Variants in TIFA observed in about 807,000 individuals in gnomAD.
The protein encoded by TIFA is TRAF-interacting protein with FHA domain-containing protein A.
For missense variants in TIFA, 186 were observed against 215.2 expected (o/e 0.86, Z 0.85); for synonymous variants, 75 against 79.2 (o/e 0.95, Z 0.28).
intron 1 of TIFA, chr4:112,281,825 T>C (rs1727233548): frequency 6.6e-6 from 1 of 152,170 alleles, no homozygotes; most frequent in Non-Finnish European, 1.5e-5. Flanking sequence ...CAGTTAATAT[T>C]AGCAAAAAAA....
intron 1 of TIFA, among the ~76,000 whole-genome samples, chr4:112,284,927 C>T (rs559750121): frequency 6.6e-6 from 1 of 150,494 alleles, no homozygotes; most frequent in Admixed American, 6.6e-5. Flanking sequence ...AACCAAACAG[C>T]AGGAGGAAAC....
chr4:112,282,365 T>G (rs936752486), intron 1 of TIFA, among the ~76,000 whole-genome samples: 1 of 152,224 alleles, frequency 6.6e-6, no homozygotes, highest in African/African-American at 2.4e-5. Context: ...ATTTCATGCC[T>G]TTCATGTGCC....
At chr4:112,285,505 A>C (rs1400327793) in intron 1 of TIFA, 135 bp downstream of exon 1, 5 of 152,114 alleles carry the variant, frequency 3.3e-5, no homozygotes, top group African/African-American at 1.2e-4. Context: ...AGCGTGTGCC[A>C]GGTGAGCAGG....
intron 1 of TIFA, among the ~76,000 whole-genome samples, chr4:112,282,141 GT>G (rs1452549255): frequency 6.6e-6 from 1 of 152,196 alleles, no homozygotes; most frequent in Non-Finnish European, 1.5e-5. Context: ...ATAAGGGGGA[GT>G]TTCCATGCAC....
chr4:112,275,030 G>A lies in TIFA; in HGVS notation c.*2832C>T, dbSNP rs1285859879. 6.6e-6 allele frequency: 1 copy of A among 152,118 alleles called. No homozygotes were observed. Among genetic ancestry groups the A allele is most frequent in the African/African-American group, 2.4e-5 (1 of 41,424 alleles). The allele number at this position is 152,118 out of a possible 1,614,324, so 9.4% of individuals were successfully genotyped here. ...AGAAGTCCTTAAAGTGTATATGGAA[G>A]GTTTCACATCTTAGCTTCAGTACCT... On this transcript the variant is annotated 3_prime_UTR_variant, in exon 2 of 2. Coordinates refer to ENST00000361717, the MANE Select transcript of TIFA (RefSeq NM_052864.3).
intron 1 of TIFA, among the ~76,000 whole-genome samples, chr4:112,278,946 T>C (rs1263164628): frequency 1.3e-5 from 2 of 152,244 alleles, no homozygotes; most frequent in Admixed American, 6.5e-5. Context: ...AAAAACTTAA[T>C]AGTTATAAAC....
chr4:112,282,789 G>A (rs1381322909), intron 1 of TIFA, among the ~76,000 whole-genome samples: 2 of 152,260 alleles, frequency 1.3e-5, no homozygotes, highest in East Asian at 1.9e-4. Context: ...CCAGGGAAGC[G>A]GGGGACCCCC....
intron 1 of TIFA, among the ~76,000 whole-genome samples, chr4:112,278,848 C>T (rs115416647): frequency 0.01 from 1,554 of 152,054 alleles, 22 homozygotes; most frequent in African/African-American, 0.034. Flanking sequence ...GTTTGAATAC[C>T]TTCAGAGGAT....
At position 112,277,926 on chromosome 4, in the gene TIFA, C is replaced by T. The variant is rs1258154430; in HGVS notation, c.491G>A (p.Gly164Asp). Residue 164 changes from glycine to aspartate, a missense_variant, in exon 2 of 2, where the codon GGC (glycine) becomes GAC (aspartate). Coordinates refer to ENST00000361717, the MANE Select transcript of TIFA (RefSeq NM_052864.3). ...WPPHRPIPEY[G>D]TYSLCSSQSS... ...TTGGGAGGAGCAGAGCGAATAAGTG[C>T]CATACTCCGGTATGGGCCTGTGTGG... 1 of 1,613,586 alleles carries T rather than the reference C, an allele frequency of 6.2e-7. No individual in the cohort carries two copies. Among genetic ancestry groups the T allele is most frequent in the South Asian group, 1.1e-5 (1 of 91,014 alleles).
intron 1 of TIFA, among the ~76,000 whole-genome samples, chr4:112,279,007 T>C (rs1727175379): frequency 6.6e-6 from 1 of 152,244 alleles, no homozygotes; most frequent in Non-Finnish European, 1.5e-5. Flanking sequence ...TTCTAACAGG[T>C]AAATGATTAA....
intron 1 of TIFA, among the ~76,000 whole-genome samples, chr4:112,280,178 TG>T: frequency 6.6e-6 from 1 of 152,106 alleles, no homozygotes; most frequent in Non-Finnish European, 1.5e-5. Flanking sequence ...TATACTGATT[TG>T]GGGTTTGGAG....
chr4:112,284,290 AACACACAC>A lies in TIFA; in HGVS notation c.-19+1342_-19+1349del, dbSNP rs10522966. 2.1e-3 allele frequency among the ~76,000 whole-genome samples: 309 copies of A among 149,910 alleles called. 2 individuals carry two copies. The highest frequency in any genetic ancestry group is 6.9e-3 in the African/African-American group (281 of 40,906). On this transcript the variant is annotated intron_variant, in intron 1 of 1. Coordinates refer to ENST00000361717, the MANE Select transcript of TIFA (RefSeq NM_052864.3). ...ACCTCTGCTACCCTCCCTGCAACAC[AACACACAC>A]ACACACACACACACACGTACACACA... is the stretch of plus-strand genomic sequence containing the variant.
Position 112,285,329 on chromosome 4 carries a change from C to G in TIFA, c.-19+311G>C, listed in dbSNP as rs537667151. Among the ~76,000 whole-genome samples the G allele has an allele frequency of 2.6e-4, 40 of 152,134 alleles. No homozygotes were observed. The South Asian group carries it at 7.9e-3, about 30-fold the overall frequency. ...CTCTGGAGCCACACTGCATAAATGG[C>G]ATTCGTTTTTGTTTTCTGATTAGAA... is the stretch of plus-strand genomic sequence containing the variant. On this transcript the variant is annotated intron_variant, in intron 1 of 1. Coordinates refer to ENST00000361717, the MANE Select transcript of TIFA (RefSeq NM_052864.3).
chr4:112,278,261 A>C lies in TIFA; in HGVS notation c.156T>G (p.Asn52Lys). 6.2e-7 allele frequency: 1 copy of C among 1,614,172 alleles called. No homozygotes were observed. The highest frequency in any genetic ancestry group is 1.7e-5 in the Admixed American group (1 of 60,016). ...PSSEVVKFGR[N>K]SNICHYTFQD... ...GAAAAGTATAATGACAGATGTTGGA[A>C]TTTCGGCCAAATTTCACCACTTCGC... Residue 52 changes from asparagine (N) to lysine (K), a missense_variant, in exon 2 of 2, where the codon AAT becomes AAG. Coordinates refer to ENST00000361717, the MANE Select transcript of TIFA (RefSeq NM_052864.3).
Position 112,285,842 on chromosome 4 carries a change from G to A in TIFA, c.-221C>T, listed in dbSNP as rs1364530619. 1 of 152,296 alleles carries A rather than the reference G, an allele frequency of 6.6e-6. No individual in the cohort carries two copies. Among genetic ancestry groups the A allele is most frequent in the African/African-American group, 2.4e-5 (1 of 41,456 alleles). 9.4% of individuals were successfully genotyped at this position (152,296 alleles called of 1,614,324 possible). Reference sequence around the variant, plus strand: ...CGCCGATCCTCCCGCGCTCCCGCGCGCGCGGCCTGCCTTCCCACTGGCTGG... The same window carrying A: ...CGCCGATCCTCCCGCGCTCCCGCGCACGCGGCCTGCCTTCCCACTGGCTGG... On this transcript the variant is annotated 5_prime_UTR_variant, in exon 1 of 2. Coordinates refer to ENST00000361717, the MANE Select transcript of TIFA (RefSeq NM_052864.3).
chr4:112,282,727 CT>C (rs1201235221), intron 1 of TIFA, among the ~76,000 whole-genome samples: 1 of 152,164 alleles, frequency 6.6e-6, no homozygotes, highest in African/African-American at 2.4e-5. Context: ...ACTTATATAA[CT>C]TATATTTCTG....
At chr4:112,284,101 G>GAGAC (rs1727274750) in intron 1 of TIFA, among the ~76,000 whole-genome samples, 1 of 152,312 alleles carries the variant, frequency 6.6e-6, no homozygotes, top group Admixed American at 6.5e-5. Context: ...GCTGCATCTT[G>GAGAC]AGTGTCCAGC....
Position 112,275,878 on chromosome 4 carries a change from T to C in TIFA, c.*1984A>G, listed in dbSNP as rs1194404124. On this transcript the variant is annotated 3_prime_UTR_variant, in exon 2 of 2. Coordinates refer to ENST00000361717, the MANE Select transcript of TIFA (RefSeq NM_052864.3). ...GTCAAAATGTGACAGTATACACACA[T>C]TAAAGTATATACACTTCACTCATAG... 6 of 152,170 alleles carry C rather than the reference T, an allele frequency of 3.9e-5. No individual in the cohort carries two copies. The highest frequency in any genetic ancestry group is 1.4e-4 in the African/African-American group (6 of 41,446). 9.4% of individuals were successfully genotyped at this position (152,170 alleles called of 1,614,324 possible). A position where few individuals can be genotyped will look rare whatever the true frequency, so the allele number is the denominator to read the frequency against.
rs112665959 is a variant in TIFA, at chr4:112,284,399, GC to G, written c.-19+1240del. On this transcript the variant is annotated intron_variant, in intron 1 of 1. Transcript: ENST00000361717. ...GCCAAAGGGTGTTCGGCCTTAAAAT[GC>G]CATAAACAAAAACATATACAGAAAT... is the stretch of plus-strand genomic sequence containing the variant. Among the ~76,000 whole-genome samples, 1,069 of 152,200 alleles carry G rather than the reference GC, an allele frequency of 7.0e-3. 10 individuals are homozygous for G. The highest frequency in any genetic ancestry group is 0.024 in the African/African-American group (1,002 of 41,488).
Sources: allele counts gnomAD v4.1 joint callset (sites outside exome capture counted in the v4.1 genomes callset), GRCh38; gene constraint gnomAD v4.1.1; transcripts MANE v1.5; gene names NCBI Gene and HGNC (gene_info 2026-07-23, HGNC 2026-07-21).